The following HMGCL variants were observed in gnomAD, a reference collection of about 807,000 sequenced individuals.
HMGCL encodes the protein hydroxymethylglutaryl-CoA lyase, mitochondrial.
In HMGCL, 26 loss-of-function variants were observed where a neutral mutation model predicts 37.3. The observed-to-expected ratio is 0.70, with a 90% CI of 0.51 to 0.97. HMGCL has a LOEUF of 0.97. Ranked by LOEUF, HMGCL falls within the 50% of genes least tolerant of loss-of-function variation. HMGCL has a pLI of 0.00. For synonymous variants in HMGCL, 151 were observed against 148.0 expected, an observed-to-expected ratio of 1.02 and a Z score of -0.15; for missense variants, 379 against 398.1, an observed-to-expected ratio of 0.95 and a Z score of 0.41.
chr1:23,820,507 T>C lies in HMGCL; in HGVS notation c.144+3A>G, dbSNP rs1317444573. On this transcript the variant is annotated splice_donor_region_variant and intron_variant, in intron 2 of 8. Coordinates refer to ENST00000374490, the MANE Select transcript of HMGCL (RefSeq NM_000191.3). The stretch of plus-strand genomic sequence containing the variant: ...TGTTTTTTTGGCTCATTTCCAACTT[T>C]ACCTTTTCATTTTGTAGTCCATCTC... 1.2e-6 allele frequency: 2 copies of C among 1,611,588 alleles called. No individual in the cohort carries two copies. Among genetic ancestry groups the C allele is most frequent in the South Asian group, 2.2e-5 (2 of 91,034 alleles).
At chr1:23,819,355 A>G (rs1198888936) in intron 2 of HMGCL, among the ~76,000 whole-genome samples, 1 of 152,230 alleles carries the variant, frequency 6.6e-6, no homozygotes, top group African/African-American at 2.4e-5. Flanking sequence ...ATCTTCACAG[A>G]AAGTGCTGGT....
chr1:23,824,906 T>C (rs577936021), intron 1 of HMGCL, among the ~76,000 whole-genome samples: 1 of 152,276 alleles, frequency 6.6e-6, no homozygotes, highest in African/African-American at 2.4e-5. Flanking sequence ...ACAGCTTGGC[T>C]CCAATCAACG....
At chr1:23,820,484 T>G (rs746592268) in intron 2 of HMGCL, 26 bp downstream of exon 2, 47 of 1,555,330 alleles carry the variant, frequency 3.0e-5, no homozygotes, top group East Asian at 2.2e-5. Context: ...GAAAAAACTG[T>G]TTTTTTGGCT....
intron 1 of HMGCL, among the ~76,000 whole-genome samples, chr1:23,822,304 G>A (rs1638736558): frequency 6.6e-6 from 1 of 152,232 alleles, no homozygotes; most frequent in Non-Finnish European, 1.5e-5. Context: ...AAGGGGAGGT[G>A]ACACCCCCAG....
At chr1:23,802,699 G>C in intron 8 of HMGCL, 135 bp from the exon 9 acceptor site, 1 of 698,722 alleles carries the variant, frequency 1.4e-6, no homozygotes, top group Non-Finnish European at 2.6e-6. Context: ...TGACAGCGGG[G>C]CACCAGCTGC....
chr1:23,813,425 G>A (rs1183991192), intron 5 of HMGCL, among the ~76,000 whole-genome samples: 1 of 150,826 alleles, frequency 6.6e-6, no homozygotes, highest in African/African-American at 2.4e-5. Flanking sequence ...CCACTACCAC[G>A]CCCAGCTAAT....
chr1:23,804,940 C>T (rs530504740), intron 7 of HMGCL, among the ~76,000 whole-genome samples: 10 of 148,026 alleles, frequency 6.8e-5, no homozygotes, highest in Non-Finnish European at 1.5e-4. Flanking sequence ...CCTTGCCACA[C>T]GAGGGCCACA....
At chr1:23,825,298 C>A in intron 1 of HMGCL, 58 bp downstream of exon 1, 1 of 1,416,176 alleles carries the variant, frequency 7.1e-7, no homozygotes, top group South Asian at 1.2e-5. Flanking sequence ...GCCAAGCCCC[C>A]AACCCTGACA....
At chr1:23,821,550 T>G (rs1638721347) in intron 1 of HMGCL, among the ~76,000 whole-genome samples, 1 of 151,976 alleles carries the variant, frequency 6.6e-6, no homozygotes, top group South Asian at 2.1e-4. Flanking sequence ...TCCCAGCTAC[T>G]CAAGAGGCTG....
intron 4 of HMGCL, chr1:23,816,258 G>A (rs1189758975): frequency 2.0e-5 from 6 of 301,772 alleles, no homozygotes; most frequent in African/African-American, 6.5e-5. Context: ...CAGAACCAAC[G>A]CCTCCAAAGA....
chr1:23,811,586 G>C (rs1638521852), intron 5 of HMGCL, among the ~76,000 whole-genome samples: 2 of 152,234 alleles, frequency 1.3e-5, no homozygotes. Context: ...GGTGGTCTGT[G>C]AGAAGAGCAT....
chr1:23,812,207 A>G (rs1008851086), intron 5 of HMGCL, among the ~76,000 whole-genome samples: 1 of 152,152 alleles, frequency 6.6e-6, no homozygotes, highest in African/African-American at 2.4e-5. Context: ...GCTAAGTGCT[A>G]CATTTAGAGG....
At chr1:23,821,410 C>A (rs1422887471) in intron 1 of HMGCL, among the ~76,000 whole-genome samples, 1 of 152,116 alleles carries the variant, frequency 6.6e-6, no homozygotes, top group Non-Finnish European at 1.5e-5. Context: ...AATCCCAGCA[C>A]TTTGGGAGGC....
At position 23,804,511 on chromosome 1, in the gene HMGCL, G is replaced by T. The variant is rs778296169; in HGVS notation, c.765C>A (p.Val255=). The change falls in exon 8 of 9, where the codon GTC becomes GTA. Residue 255 remains valine, a synonymous_variant. Transcript: ENST00000374490. ...CAAGTCCTGCCACAGAAGAGTCCAC[G>T]ACACTCACTCCCATCTAGAAACATA... ...TLMALQMGVS[V]VDSSVAGLGG... The T allele has an allele frequency of 2.5e-6, 4 of 1,613,998 alleles. No individual in the cohort carries two copies. The highest frequency in any genetic ancestry group is 2.7e-5 in the African/African-American group (2 of 74,912).
Position 23,802,462 on chromosome 1 carries a change from C to G in HMGCL, c.*1G>C, listed in dbSNP as rs750682422. ...CCCAGGGCTTCAGGTGGGCAAGGGG[C>G]TCAGAGTTTACAGGTAGCCTGAGCC... On this transcript the variant is annotated 3_prime_UTR_variant, in exon 9 of 9. Coordinates refer to ENST00000374490, the MANE Select transcript of HMGCL (RefSeq NM_000191.3). The G allele has an allele frequency of 8.7e-6, 14 of 1,600,860 alleles. No homozygotes were observed. Among genetic ancestry groups the G allele is most frequent in the Non-Finnish European group, 1.2e-5 (14 of 1,168,026 alleles).
At chr1:23,822,838 T>C (rs945439399) in intron 1 of HMGCL, among the ~76,000 whole-genome samples, 1 of 152,130 alleles carries the variant, frequency 6.6e-6, no homozygotes, top group Non-Finnish European at 1.5e-5. Flanking sequence ...TGGGACATAA[T>C]AGGGGCTCGA....
At chr1:23,825,310 T>G (rs1261305769) in intron 1 of HMGCL, 46 bp downstream of exon 1, 3 of 1,481,250 alleles carry the variant, frequency 2.0e-6, no homozygotes, top group Non-Finnish European at 2.8e-6. Context: ...ACCCTGACAG[T>G]CAGAGTGCCT....
chr1:23,807,350 C>T (rs1048654389), intron 7 of HMGCL: 8 of 455,746 alleles, frequency 1.8e-5, no homozygotes, highest in Non-Finnish European at 3.5e-5. Context: ...CTGAGGAAAC[C>T]GACCCAGAAC....
At chr1:23,808,533 G>A (rs893555582) in intron 6 of HMGCL, among the ~76,000 whole-genome samples, 1 of 152,128 alleles carries the variant, frequency 6.6e-6, no homozygotes, top group Non-Finnish European at 1.5e-5. Flanking sequence ...AGAGCCAGCC[G>A]CTGGAGCCAG....
Sources: allele counts gnomAD v4.1 joint callset (sites outside exome capture counted in the v4.1 genomes callset), GRCh38; gene constraint gnomAD v4.1.1; transcripts MANE v1.5; gene names NCBI Gene and HGNC (gene_info 2026-07-23, HGNC 2026-07-21).